RANBP2: variants seen among roughly 807,000 people sequenced by gnomAD.
The protein encoded by RANBP2 is RAN binding protein 2.
In RANBP2, 57 loss-of-function variants were observed where a neutral mutation model predicts 303.6. That is an observed-to-expected ratio of 0.19 (90% CI 0.15 to 0.23). RANBP2 has a LOEUF of 0.23. Among genes scored for constraint, RANBP2 ranks in the 10% least tolerant of loss-of-function variants. The pLI is 1.00. For missense variants in RANBP2, 3,138 were observed against 3,780.8 expected (o/e 0.83, Z 4.46); for synonymous variants, 1,167 against 1,301.5 (o/e 0.90, Z 2.23).
chr2:109,200,526 C>T, the RANBP2 span, among the ~76,000 whole-genome samples: 1 of 152,154 alleles, frequency 6.6e-6, no homozygotes, highest in Non-Finnish European at 1.5e-5. Context: ...CGACTCTGCC[C>T]TGTGTGCAGA....
the RANBP2 span, among the ~76,000 whole-genome samples, chr2:109,513,402 A>C: frequency 6.6e-6 from 1 of 151,882 alleles, no homozygotes; most frequent in Non-Finnish European, 1.5e-5. Context: ...ACATGCATGC[A>C]CATACTCCAC....
the RANBP2 span, among the ~76,000 whole-genome samples, chr2:109,175,669 A>G: frequency 1.3e-5 from 2 of 152,354 alleles, no homozygotes; most frequent in African/African-American, 4.8e-5. Context: ...AATCAGTAAT[A>G]GGACACATTT....
chr2:109,153,822 C>T, the RANBP2 span, among the ~76,000 whole-genome samples: 1 of 152,362 alleles, frequency 6.6e-6, no homozygotes, highest in South Asian at 2.1e-4. Context: ...CTGAGATTTC[C>T]TGCAGACCTG....
the RANBP2 span, among the ~76,000 whole-genome samples, chr2:109,563,382 C>G: frequency 6.6e-6 from 1 of 152,328 alleles, no homozygotes. Context: ...CTTTTGTTTA[C>G]TCTGGTGCAG....
At chr2:108,968,721 T>A in the RANBP2 span, among the ~76,000 whole-genome samples, 2 of 152,202 alleles carry the variant, frequency 1.3e-5, no homozygotes, top group Non-Finnish European at 2.9e-5. Context: ...GGGTTAAAGC[T>A]TGATGCTGAT....
intron 23 of RANBP2, among the ~76,000 whole-genome samples, chr2:108,774,712 T>C (rs1677754937): frequency 6.6e-6 from 1 of 151,268 alleles, no homozygotes; most frequent in African/African-American, 2.4e-5. Context: ...TTCTTTTTTT[T>C]TTTTTTGGCT....
the RANBP2 span, among the ~76,000 whole-genome samples, chr2:108,852,079 C>G: frequency 4.6e-5 from 7 of 152,282 alleles, no homozygotes; most frequent in African/African-American, 1.7e-4. Flanking sequence ...ATAGCACTTA[C>G]TATGTTATAG....
chr2:108,852,295 CTGTT>C, the RANBP2 span, among the ~76,000 whole-genome samples: 1 of 152,194 alleles, frequency 6.6e-6, no homozygotes, highest in East Asian at 1.9e-4. Flanking sequence ...CACTTGTACA[CTGTT>C]TGTGGGAGTG....
the RANBP2 span, among the ~76,000 whole-genome samples, chr2:109,447,109 T>G: frequency 2.3e-5 from 3 of 132,822 alleles, 1 homozygote; most frequent in Non-Finnish European, 4.6e-5. Context: ...TAGGATCAAA[T>G]GTTTCAAGTT....
At chr2:109,526,102 G>T in the RANBP2 span, among the ~76,000 whole-genome samples, 1 of 152,102 alleles carries the variant, frequency 6.6e-6, no homozygotes, top group Non-Finnish European at 1.5e-5. Context: ...AGGAATCAGG[G>T]CACAGTAAGC....
chr2:109,289,173 C>G, the RANBP2 span, among the ~76,000 whole-genome samples: 97 of 152,284 alleles, frequency 6.4e-4, 1 homozygote, highest in African/African-American at 1.9e-3. Flanking sequence ...CTGTCTCTCT[C>G]TCTCTGCAGA....
At chr2:109,799,193 C>T in the RANBP2 span, among the ~76,000 whole-genome samples, 1 of 89,840 alleles carries the variant, frequency 1.1e-5, no homozygotes, top group Non-Finnish European at 2.0e-5. Flanking sequence ...GAGCTGAGAT[C>T]GAGCCACCGC....
chr2:109,184,668 C>G, the RANBP2 span, among the ~76,000 whole-genome samples: 2 of 152,338 alleles, frequency 1.3e-5, no homozygotes, highest in African/African-American at 4.8e-5. Flanking sequence ...CCAGCCCACA[C>G]TGGGCTGCCT....
At chr2:108,915,635 C>T in the RANBP2 span, among the ~76,000 whole-genome samples, 1 of 152,226 alleles carries the variant, frequency 6.6e-6, no homozygotes, top group African/African-American at 2.4e-5. Flanking sequence ...CACGGTGGCT[C>T]ATGCCTATAA....
rs754745325 is a variant in RANBP2 at position 108,719,674 on chromosome 2, G to C, written c.68G>C (p.Arg23Pro). 3.7e-6 allele frequency: 6 copies of C among 1,604,912 alleles called. No homozygotes were observed. Among genetic ancestry groups the C allele is most frequent in the Admixed American group, 3.4e-5 (2 of 58,862 alleles). ...GTGCAGGGCTCCACCCCGTCGCCTC[G>C]ACAGGTGAGTGGGTCTCGAAGAGAC... ...ASVQGSTPSP[R>P]QKSMKGFYFA... is the part of the protein sequence containing the mutation. Residue 23 changes from arginine (R) to proline (P), a missense_variant, in exon 1 of 29, where the codon CGA (arginine) becomes CCA (proline). Transcript: ENST00000283195.
chr2:109,184,293 C>T, the RANBP2 span, among the ~76,000 whole-genome samples: 1 of 152,204 alleles, frequency 6.6e-6, no homozygotes, highest in Admixed American at 6.5e-5. Context: ...TTCTCCCTTA[C>T]TTCAAATGAC....
chr2:108,720,312 C>T (rs1453162799), intron 1 of RANBP2: 1 of 745,826 alleles, frequency 1.3e-6, no homozygotes, highest in Non-Finnish European at 1.6e-6. Context: ...ACTCACCTCC[C>T]TCGCCCCCCT....
the RANBP2 span, chr2:109,615,717 G>T: frequency 6.2e-7 from 1 of 1,613,806 alleles, no homozygotes; most frequent in Non-Finnish European, 8.5e-7. Context: ...GGGTAGCGGC[G>T]GCGGGCGCTG....
the RANBP2 span, among the ~76,000 whole-genome samples, chr2:108,994,967 C>T: frequency 2.0e-5 from 3 of 151,256 alleles, no homozygotes; most frequent in African/African-American, 7.3e-5. Flanking sequence ...GTAGCAGGGA[C>T]TACAGGCGCC....
Sources: allele counts gnomAD v4.1 joint callset (sites outside exome capture counted in the v4.1 genomes callset), GRCh38; gene constraint gnomAD v4.1.1; transcripts MANE v1.5; gene names NCBI Gene and HGNC (gene_info 2026-07-23, HGNC 2026-07-21).